Variants in EDNRA observed in about 807,000 individuals in gnomAD.
EDNRA encodes the protein endothelin receptor type A, also known as endothelin-1 receptor.
A neutral mutation model predicts 41.4 loss-of-function variants in EDNRA; 11 were observed. The observed-to-expected ratio is 0.27, with a 90% CI of 0.17 to 0.44. The LOEUF (loss-of-function observed/expected upper bound fraction) is 0.44, where lower values mean the gene tolerates loss of function less well. Among genes scored for constraint, EDNRA ranks in the 20% least tolerant of loss-of-function variants. The probability of loss-of-function intolerance (pLI) is 1.00; values close to 1 mark genes in which losing one functional copy is unlikely to be tolerated. For missense variants in EDNRA, 294 were observed against 531.0 expected (o/e 0.55, Z 4.39); for synonymous variants, 172 against 183.0 (o/e 0.94, Z 0.49).
chr4:147,539,880 C>T lies in EDNRA; in HGVS notation c.964C>T (p.Leu322Phe). 6.2e-7 allele frequency: 1 copy of T among 1,613,386 alleles called. No individual in the cohort carries two copies. Among genetic ancestry groups the T allele is most frequent in the Non-Finnish European group, 8.5e-7 (1 of 1,179,910 alleles). The part of the protein sequence containing the change: ...VVIFALCWFP[L>F]HLSRILKKTV... ...AATTTTTGCTCTTTGCTGGTTCCCT[C>T]TTCATTTAAGCCGTATATTGAAGAA... Residue 322 changes from leucine (L) to phenylalanine (F), a missense_variant, in exon 6 of 8, where the codon CTT becomes TTT. By Grantham distance (22) the Leu-to-Phe change is conservative. This residue lies in a region of EDNRA where 185 missense variants were observed against 390.8 expected (regional missense o/e 0.47). Coordinates refer to ENST00000651419, the MANE Select transcript of EDNRA (RefSeq NM_001957.4).
At chr4:147,499,453 G>A (rs529012845) in intron 2 of EDNRA, among the ~76,000 whole-genome samples, 3 of 152,154 alleles carry the variant, frequency 2.0e-5, no homozygotes, top group Non-Finnish European at 2.9e-5. Flanking sequence ...TTATTCCTAA[G>A]CTGACAGCCA....
chr4:147,540,115 T>G (rs1731048596), intron 6 of EDNRA, among the ~76,000 whole-genome samples, 165 bp downstream of exon 6: 1 of 152,216 alleles, frequency 6.6e-6, no homozygotes, highest in African/African-American at 2.4e-5. Flanking sequence ...TCCCAAAATG[T>G]GTGCAAGCCA....
chr4:147,542,627 A>G lies in EDNRA; in HGVS notation c.*9A>G, dbSNP rs200476599. The G allele has an allele frequency of 2.5e-6, 4 of 1,613,610 alleles. No homozygotes were observed. Among genetic ancestry groups the G allele is most frequent in the South Asian group, 2.2e-5 (2 of 91,040 alleles). On this transcript the variant is annotated 3_prime_UTR_variant, in exon 8 of 8. Transcript: ENST00000651419. ...AGGACAGCATGAACTGACCACCCTTAGAAGCACTCCTCGGTACTCCCATAA... is the reference window on the plus strand; with the variant it reads ...AGGACAGCATGAACTGACCACCCTTGGAAGCACTCCTCGGTACTCCCATAA...
At chr4:147,516,446 T>C (rs1730120721) in intron 2 of EDNRA, among the ~76,000 whole-genome samples, 1 of 152,240 alleles carries the variant, frequency 6.6e-6, no homozygotes, top group Non-Finnish European at 1.5e-5. Flanking sequence ...TCAAAGTGAA[T>C]GTGTTTTCAG....
chr4:147,495,549 G>C (rs990988170), intron 2 of EDNRA: 1 of 152,120 alleles, frequency 6.6e-6, no homozygotes, highest in Non-Finnish European at 1.5e-5. Flanking sequence ...ATGTCAGTGA[G>C]GTCAACTGAC....
intron 2 of EDNRA, among the ~76,000 whole-genome samples, chr4:147,499,726 A>T (rs926083825): frequency 6.6e-6 from 1 of 152,130 alleles, no homozygotes; most frequent in African/African-American, 2.4e-5. Flanking sequence ...GAAAAAGGAA[A>T]AGGAGATGAT....
intron 3 of EDNRA, among the ~76,000 whole-genome samples, chr4:147,530,291 C>G (rs1443134715): frequency 6.6e-6 from 1 of 152,164 alleles, no homozygotes; most frequent in South Asian, 2.1e-4. Context: ...GATGTAACTC[C>G]GTTGACAGCC....
intron 3 of EDNRA, 35 bp downstream of exon 3, chr4:147,520,013 G>A: frequency 1.3e-6 from 2 of 1,571,168 alleles, no homozygotes; most frequent in South Asian, 1.2e-5. Flanking sequence ...CTTTGGCTGG[G>A]CTTAGAAAAG....
chr4:147,486,494 A>AACAAAC lies in EDNRA; in HGVS notation c.420+393_420+394insACAAAC, dbSNP rs1198924413. Among the ~76,000 whole-genome samples, 3 of 152,212 alleles carry AACAAAC rather than the reference A, an allele frequency of 2.0e-5. No homozygotes were observed. Among genetic ancestry groups the AACAAAC allele is most frequent in the African/African-American group, 7.2e-5 (3 of 41,458 alleles). ...TTGAAACAAACATATCCTTGAGTTT[A>AACAAAC]GTTACCGTTGAATATGATGCTGTTC... On this transcript the variant is annotated intron_variant, in intron 2 of 7. Transcript: ENST00000651419. This position sits in a 1 kb window ranked among gnomAD's most constrained non-coding sequence, Gnocchi z 4.3.
rs551937549 is a variant in EDNRA, at chr4:147,519,774, G to A, written c.421-77G>A. On this transcript the variant is annotated intron_variant, in intron 2 of 7. Coordinates refer to ENST00000651419, the MANE Select transcript of EDNRA (RefSeq NM_001957.4). The surrounding 1 kb of genome is among the most constrained non-coding windows in gnomAD (Gnocchi z 4.1). ...GTGAATAAAATTTAGAAGTTGGGAC[G>A]CATAACTAAAACTGTAAGTGCCCAC... The A allele has an allele frequency of 1.0e-5, 15 of 1,496,366 alleles. No homozygotes were observed. The highest frequency in any genetic ancestry group is 7.1e-5 in the African/African-American group (5 of 70,854). The allele number at this position is 1,496,366 out of a possible 1,614,324, so 92.7% of individuals were successfully genotyped here. A position where few individuals can be genotyped will look rare whatever the true frequency, so the allele number is the denominator to read the frequency against.
chr4:147,523,635 T>C lies in EDNRA; in HGVS notation c.548+3657T>C, dbSNP rs1022256343. ...CTTCCCGAGTAGCTGGGACTACAGG[T>C]GCCCACCACCACGCCCGGCTTATTT... On this transcript the variant is annotated intron_variant, in intron 3 of 7. Coordinates refer to ENST00000651419, the MANE Select transcript of EDNRA (RefSeq NM_001957.4). Among the ~76,000 whole-genome samples the C allele has an allele frequency of 9.2e-5, 14 of 151,858 alleles. No homozygotes were observed. The South Asian group carries it at 1.2e-3, about 14-fold the overall frequency.
chr4:147,521,193 A>G (rs1730312729), intron 3 of EDNRA, among the ~76,000 whole-genome samples: 1 of 152,192 alleles, frequency 6.6e-6, no homozygotes, highest in East Asian at 1.9e-4. Context: ...AGGAATAAAT[A>G]AATAAATAAA....
chr4:147,540,869 G>A (rs933122450), intron 7 of EDNRA, among the ~76,000 whole-genome samples: 1 of 151,732 alleles, frequency 6.6e-6, no homozygotes, highest in African/African-American at 2.4e-5. Flanking sequence ...TTAAGAAAGC[G>A]CTCACTGATC....
Position 147,519,989 on chromosome 4 carries a change from T to C in EDNRA, c.548+11T>C. ...TCTTAGTGTTGACAGGTAATGTGGTTCTTTCCCTTTGCTCTTTGGCTGGGC... is the reference window on the plus strand; with the variant it reads ...TCTTAGTGTTGACAGGTAATGTGGTCCTTTCCCTTTGCTCTTTGGCTGGGC... On this transcript the variant is annotated intron_variant, in intron 3 of 7. Transcript: ENST00000651419. This position sits in a 1 kb window ranked among gnomAD's most constrained non-coding sequence, Gnocchi z 4.1. The C allele has an allele frequency of 6.3e-7, 1 of 1,599,454 alleles. No homozygotes were observed. Among genetic ancestry groups the C allele is most frequent in the Non-Finnish European group, 8.5e-7 (1 of 1,173,964 alleles).
chr4:147,541,397 G>A (rs1265424592), intron 7 of EDNRA, among the ~76,000 whole-genome samples: 2 of 152,130 alleles, frequency 1.3e-5, no homozygotes, highest in Admixed American at 6.5e-5. Context: ...GGCAGAGTGC[G>A]GTAGAGGTCA....
At chr4:147,500,953 C>T (rs1729498013) in intron 2 of EDNRA, among the ~76,000 whole-genome samples, 1 of 152,190 alleles carries the variant, frequency 6.6e-6, no homozygotes, top group African/African-American at 2.4e-5. Context: ...GTGATTTTTG[C>T]AGAGGCACTC....
rs772940940 is a variant in EDNRA, at chr4:147,524,216, T to C, written c.548+4238T>C. On this transcript the variant is annotated intron_variant, in intron 3 of 7. Transcript: ENST00000651419. ...TGTCACTCCTCCCACAGGCCCAGGG[T>C]GCAGAGCTGGTTCCTCCTCACTTTT... Among the ~76,000 whole-genome samples the C allele has an allele frequency of 1.4e-4, 21 of 151,692 alleles. No homozygotes were observed. In the South Asian group the frequency reaches 1.5e-3, roughly 11 times the overall value.
At chr4:147,534,901 T>C (rs188479413) in intron 4 of EDNRA, among the ~76,000 whole-genome samples, 71 of 152,316 alleles carry the variant, frequency 4.7e-4, no homozygotes, top group Non-Finnish European at 9.4e-4. Context: ...AAATTTTTTG[T>C]CTTTAGGAAC....
chr4:147,505,273 G>C (rs1327427207), intron 2 of EDNRA, among the ~76,000 whole-genome samples: 1 of 147,506 alleles, frequency 6.8e-6, no homozygotes, highest in South Asian at 2.1e-4. Context: ...GAAACTGCTG[G>C]TGGAAACGGA....
Sources: allele counts gnomAD v4.1 joint callset (sites outside exome capture counted in the v4.1 genomes callset), GRCh38; gene constraint gnomAD v4.1.1; regional missense constraint gnomAD v4.1.1; non-coding constraint Gnocchi (gnomAD v3.1); transcripts MANE v1.5; gene names NCBI Gene and HGNC (gene_info 2026-07-23, HGNC 2026-07-21).